JARID2: variants seen among roughly 807,000 people sequenced by gnomAD.
JARID2 encodes protein Jumonji.
In JARID2, 21 loss-of-function variants were observed where a neutral mutation model predicts 125.6. The observed-to-expected ratio is 0.17, with a 90% CI of 0.12 to 0.24. JARID2 has a LOEUF of 0.24. Ranked by LOEUF, JARID2 falls within the 10% of genes least tolerant of loss-of-function variation. The pLI is 1.00. For missense variants in JARID2, 1,303 were observed against 1,639.6 expected (o/e 0.79, Z 3.55); for synonymous variants, 736 against 661.6 (o/e 1.11, Z -1.73).
chr6:15,429,504 A>G (rs932451332), intron 3 of JARID2, among the ~76,000 whole-genome samples: 5 of 152,048 alleles, frequency 3.3e-5, no homozygotes, highest in Non-Finnish European at 7.4e-5. Flanking sequence ...GGTGGCCTCA[A>G]TTGATCTTTG....
chr6:15,381,424 A>G (rs1764584011), intron 2 of JARID2, among the ~76,000 whole-genome samples: 1 of 151,484 alleles, frequency 6.6e-6, no homozygotes, highest in Non-Finnish European at 1.5e-5. Flanking sequence ...CCTCCTCTGC[A>G]AGCTGTAGGG....
At chr6:15,446,453 A>G (rs1468566619) in intron 3 of JARID2, among the ~76,000 whole-genome samples, 2 of 152,176 alleles carry the variant, frequency 1.3e-5, no homozygotes, top group African/African-American at 2.4e-5. Context: ...ACAGGCCTGG[A>G]TTGTTTGCTT....
chr6:15,376,280 G>A (rs1764350947), intron 2 of JARID2, among the ~76,000 whole-genome samples: 1 of 152,218 alleles, frequency 6.6e-6, no homozygotes, highest in African/African-American at 2.4e-5. Context: ...TGAAATTGCT[G>A]TGAATATGCC....
chr6:15,300,720 TGTGAGAGAGAGA>T (rs1304500260), intron 1 of JARID2, among the ~76,000 whole-genome samples: 178 of 130,188 alleles, frequency 1.4e-3, no homozygotes, highest in African/African-American at 5.6e-3. Context: ...TGTGTGTGTG[TGTGAGAGAGAGA>T]GAGAGAGAGA....
intron 7 of JARID2, 45 bp downstream of exon 7, chr6:15,497,215 C>A: frequency 7.2e-7 from 1 of 1,385,200 alleles, no homozygotes; most frequent in Non-Finnish European, 9.8e-7. Context: ...GCCCTCCTGC[C>A]CCCAGATCCC....
chr6:15,274,869 G>C (rs990872474), intron 1 of JARID2, among the ~76,000 whole-genome samples: 1 of 152,128 alleles, frequency 6.6e-6, no homozygotes, highest in Non-Finnish European at 1.5e-5. Flanking sequence ...CAATCTGATG[G>C]TCTAAAGCTC....
intron 3 of JARID2, among the ~76,000 whole-genome samples, chr6:15,416,359 C>G (rs530742677): frequency 3.9e-5 from 6 of 152,288 alleles, no homozygotes; most frequent in African/African-American, 1.4e-4. Context: ...GAGTTTGTAG[C>G]GAGCCGAGAT....
chr6:15,249,636 A>G (rs1017139338), intron 1 of JARID2, among the ~76,000 whole-genome samples: 1 of 152,198 alleles, frequency 6.6e-6, no homozygotes, highest in African/African-American at 2.4e-5. Flanking sequence ...TTATTACTTG[A>G]GCTGGTGGAA....
At chr6:15,289,678 C>A (rs964397486) in intron 1 of JARID2, among the ~76,000 whole-genome samples, 1 of 152,032 alleles carries the variant, frequency 6.6e-6, no homozygotes, top group Non-Finnish European at 1.5e-5. Flanking sequence ...CAAGGTAAAA[C>A]CCTGTCTCTA....
chr6:15,469,799 G>T (rs1338488002), intron 5 of JARID2, among the ~76,000 whole-genome samples: 1 of 152,090 alleles, frequency 6.6e-6, no homozygotes. Context: ...ATGTAGAATA[G>T]GTATAAAAAG....
intron 9 of JARID2, among the ~76,000 whole-genome samples, 198 bp from the exon 10 acceptor site, chr6:15,506,938 G>C (rs1045246660): frequency 6.6e-6 from 1 of 152,228 alleles, no homozygotes; most frequent in African/African-American, 2.4e-5. Flanking sequence ...CTGCTTTCTG[G>C]CATTCTGAGG....
Position 15,496,997 on chromosome 6 carries a change from C to G in JARID2, c.1772C>G (p.Pro591Arg), listed in dbSNP as rs1430877456. Reference protein sequence around the residue: ...VEKFGMCRVIPPPDWRPECKL... With the variant: ...VEKFGMCRVIRPPDWRPECKL... ...AAGTTCGGGATGTGCAGGGTGATCC[C>G]CCCTCCGGACTGGCGGCCCGAGTGC... Residue 591 changes from proline (P) to arginine (R), a missense_variant, in exon 7 of 18, where the codon CCC becomes CGC. Physicochemically the swap from Pro to Arg is moderately radical, Grantham distance 103. Around this residue, in one of 11 missense-constraint regions of JARID2, gnomAD observed 651 missense variants for 581.6 expected, o/e 1.12. Coordinates refer to ENST00000341776, the MANE Select transcript of JARID2 (RefSeq NM_004973.4). The G allele has an allele frequency of 6.2e-7, 1 of 1,614,008 alleles. No individual in the cohort carries two copies. The highest frequency in any genetic ancestry group is 1.7e-5 in the Admixed American group (1 of 60,022).
At chr6:15,503,902 C>CAGAGGGGCATCGAAGA (rs917785644) in intron 8 of JARID2, among the ~76,000 whole-genome samples, 3 of 152,218 alleles carry the variant, frequency 2.0e-5, no homozygotes, top group Non-Finnish European at 2.9e-5. Flanking sequence ...AACAGGGCAA[C>CAGAGGGGCATCGAAGA]AGAGGGGCAT....
chr6:15,402,227 C>T (rs1011215987), intron 2 of JARID2, among the ~76,000 whole-genome samples: 10 of 152,210 alleles, frequency 6.6e-5, no homozygotes, highest in Middle Eastern at 3.4e-3. Context: ...GTACACAAAC[C>T]GATAACTTTA....
At chr6:15,428,946 A>T (rs1766853306) in intron 3 of JARID2, among the ~76,000 whole-genome samples, 2 of 149,168 alleles carry the variant, frequency 1.3e-5, no homozygotes, top group African/African-American at 4.9e-5. Flanking sequence ...CCCCCAAAAA[A>T]AAAAAAAACT....
chr6:15,271,534 A>G (rs1313382437), intron 1 of JARID2, among the ~76,000 whole-genome samples: 1 of 152,152 alleles, frequency 6.6e-6, no homozygotes, highest in East Asian at 1.9e-4. Flanking sequence ...TCCAGGCCTG[A>G]TGTGGTGGCC....
At chr6:15,324,740 C>T (rs529587746) in intron 1 of JARID2, among the ~76,000 whole-genome samples, 16 of 151,192 alleles carry the variant, frequency 1.1e-4, no homozygotes, top group Non-Finnish European at 2.1e-4. Context: ...CCTCCTGCCT[C>T]GGCCTCTCAC....
chr6:15,463,424 C>A (rs1372734946), intron 4 of JARID2, among the ~76,000 whole-genome samples: 1 of 95,370 alleles, frequency 1.0e-5, no homozygotes, highest in African/African-American at 4.3e-5. Flanking sequence ...GGAGCCCTTT[C>A]CTTTTTTTTT....
intron 1 of JARID2, among the ~76,000 whole-genome samples, chr6:15,311,079 A>T (rs182467085): frequency 2.0e-5 from 3 of 152,282 alleles, no homozygotes; most frequent in Non-Finnish European, 4.4e-5. Context: ...TTGCTATAAT[A>T]ATTCTCTAAT....
Sources: gnomAD v4.1 joint callset for allele counts (sites outside exome capture counted in the v4.1 genomes callset) on GRCh38, gnomAD v4.1.1 for gene constraint, gnomAD v4.1.1 regional missense constraint, MANE v1.5 for transcripts, NCBI Gene and HGNC (gene_info 2026-07-23, HGNC 2026-07-21) for gene names.